TOM1: variants seen among roughly 807,000 people sequenced by gnomAD.
TOM1 encodes target of Myb protein 1.
In TOM1, 38 loss-of-function variants were observed where a neutral mutation model predicts 61.3. That is an observed-to-expected ratio of 0.62 (90% CI 0.48 to 0.81). The LOEUF (loss-of-function observed/expected upper bound fraction) is 0.81, where lower values mean the gene tolerates loss of function less well. TOM1 is among the 40% of genes least tolerant of loss of function. The pLI, the probability that TOM1 is intolerant of heterozygous loss-of-function variation, is 0.00. For missense variants in TOM1, 591 were observed against 659.6 expected, an observed-to-expected ratio of 0.90 and a Z score of 1.14; for synonymous variants, 270 against 268.8, an observed-to-expected ratio of 1.00 and a Z score of -0.04.
intron 12 of TOM1, among the ~76,000 whole-genome samples, chr22:35,343,034 C>A (rs1325124879): frequency 1.6e-4 from 23 of 145,774 alleles, no homozygotes; most frequent in African/African-American, 5.4e-4. Flanking sequence ...CCACACACAC[C>A]TCCACACACC....
intron 2 of TOM1, 92 bp downstream of exon 2, chr22:35,318,053 C>A: frequency 8.6e-7 from 1 of 1,168,036 alleles, no homozygotes; most frequent in Non-Finnish European, 1.3e-6. Context: ...CCTGCCCCAG[C>A]CCCATTGCTG....
intron 11 of TOM1, among the ~76,000 whole-genome samples, chr22:35,336,973 C>T (rs1929401045): frequency 6.7e-6 from 1 of 148,920 alleles, no homozygotes. Context: ...CGGAGTCTCG[C>T]TCTGTCTCTC....
intron 1 of TOM1, among the ~76,000 whole-genome samples, chr22:35,300,264 C>T (rs1016512713): frequency 6.6e-6 from 1 of 152,246 alleles, no homozygotes; most frequent in Non-Finnish European, 1.5e-5. Context: ...TGCTGGGGTC[C>T]CCAATCGAGG....
chr22:35,324,722 G>T (rs1408701722), intron 6 of TOM1, among the ~76,000 whole-genome samples: 3 of 152,032 alleles, frequency 2.0e-5, no homozygotes, highest in African/African-American at 4.8e-5. Context: ...CTAATTTTTT[G>T]TATTTTTAGT....
At chr22:35,343,843 T>A (rs1930250529) in intron 12 of TOM1, among the ~76,000 whole-genome samples, 1 of 131,244 alleles carries the variant, frequency 7.6e-6, no homozygotes. Flanking sequence ...TTCATACACC[T>A]ACATACACAC....
At chr22:35,315,317 TG>T (rs913655624) in intron 1 of TOM1, among the ~76,000 whole-genome samples, 2 of 152,122 alleles carry the variant, frequency 1.3e-5, no homozygotes, top group Admixed American at 1.3e-4. Flanking sequence ...CCTGTGTGAC[TG>T]GGGCTTGCTG....
At chr22:35,310,782 T>C (rs1316867270) in intron 1 of TOM1, among the ~76,000 whole-genome samples, 1 of 152,204 alleles carries the variant, frequency 6.6e-6, no homozygotes, top group Non-Finnish European at 1.5e-5. Context: ...GTTAGTCCAT[T>C]TGTGAGCTAT....
chr22:35,346,132 C>T (rs1930488435), intron 13 of TOM1, among the ~76,000 whole-genome samples: 1 of 152,246 alleles, frequency 6.6e-6, no homozygotes, highest in African/African-American at 2.4e-5. Context: ...ACTCCAGCCA[C>T]TTGCAGAGGG....
At chr22:35,327,475 C>T in intron 7 of TOM1, 88 bp downstream of exon 7, 2 of 915,754 alleles carry the variant, frequency 2.2e-6, no homozygotes, top group African/African-American at 1.6e-5. Context: ...TGACAGTCTT[C>T]ATGGCTTACT....
chr22:35,331,230 G>A, intron 8 of TOM1: 1 of 419,898 alleles, frequency 2.4e-6, no homozygotes, highest in Admixed American at 2.7e-5. Flanking sequence ...CAGGTAGCCG[G>A]GACTACAGGC....
chr22:35,339,852 C>T (rs1453219241), intron 12 of TOM1, among the ~76,000 whole-genome samples: 3 of 149,956 alleles, frequency 2.0e-5, no homozygotes, highest in Admixed American at 6.6e-5. Flanking sequence ...TGCAGTGAGC[C>T]GAGATCCCGC....
chr22:35,342,781 CCA>C (rs540947201), intron 12 of TOM1, among the ~76,000 whole-genome samples: 282 of 150,296 alleles, frequency 1.9e-3, no homozygotes, highest in African/African-American at 6.5e-3. Flanking sequence ...TCTACACCCA[CCA>C]CACACACCTC....
intron 1 of TOM1, among the ~76,000 whole-genome samples, chr22:35,311,723 C>G (rs1295156995): frequency 6.6e-6 from 1 of 152,230 alleles, no homozygotes; most frequent in African/African-American, 2.4e-5. Flanking sequence ...CCTGGCTTTG[C>G]ATCTAGCAAG....
At chr22:35,301,602 C>T (rs1285298664) in intron 1 of TOM1, among the ~76,000 whole-genome samples, 1 of 152,184 alleles carries the variant, frequency 6.6e-6, no homozygotes, top group Non-Finnish European at 1.5e-5. Context: ...TAAGATGAGA[C>T]ATATTTTCCA....
rs1269419718 is a variant in TOM1 at position 35,347,783 on chromosome 22, A to T, written c.*574A>T. Reference sequence around the variant, plus strand: ...TGCAACTCTGCGCGCAGTGGGCGAGATCTCATCAGCCCCAGGCTGCAGGTG... The same window carrying T: ...TGCAACTCTGCGCGCAGTGGGCGAGTTCTCATCAGCCCCAGGCTGCAGGTG... On this transcript the variant is annotated 3_prime_UTR_variant, in exon 15 of 15. Transcript: ENST00000449058. The T allele has an allele frequency of 2.0e-5, 3 of 153,228 alleles. No homozygotes were observed. The highest frequency in any genetic ancestry group is 3.9e-4 in the East Asian group (2 of 5,184). 9.5% of individuals were successfully genotyped at this position (153,228 alleles called of 1,614,324 possible). A position where few individuals can be genotyped will look rare whatever the true frequency, so the allele number is the denominator to read the frequency against.
Position 35,317,839 on chromosome 22 carries a change from A to G in TOM1, c.53-38A>G, listed in dbSNP as rs543074106. 9.4e-4 allele frequency: 1,456 copies of G among 1,544,558 alleles called. 21 individuals are homozygous for G. In the South Asian group the frequency reaches 0.015, roughly 16 times the overall value. On this transcript the variant is annotated intron_variant, in intron 1 of 14. Transcript: ENST00000449058. ...CACGGTTTGAGTTTACCCATTCAGGACCCCCTCATGACTTTATGACTCCTG... is the reference window on the plus strand; with the variant it reads ...CACGGTTTGAGTTTACCCATTCAGGGCCCCCTCATGACTTTATGACTCCTG...
chr22:35,338,710 C>T lies in TOM1; in HGVS notation c.1149-3C>T. The T allele has an allele frequency of 6.4e-7, 1 of 1,570,498 alleles. No homozygotes were observed. On this transcript the variant is annotated splice_polypyrimidine_tract_variant and splice_region_variant and intron_variant, in intron 11 of 14. Transcript: ENST00000449058. ...TCCAATGGCTTGGTGGTCTCTCTTT[C>T]AGGGTAAAATACGAAGCCCCCCAAG... is the stretch of plus-strand genomic sequence containing the variant.
chr22:35,346,532 C>G (rs1013277346), intron 13 of TOM1, among the ~76,000 whole-genome samples: 3 of 152,188 alleles, frequency 2.0e-5, no homozygotes, highest in East Asian at 1.9e-4. Flanking sequence ...CCTTTCCCCC[C>G]CAGGGGTGAG....
intron 12 of TOM1, among the ~76,000 whole-genome samples, chr22:35,339,599 G>A (rs980235703): frequency 1.3e-5 from 2 of 152,130 alleles, no homozygotes; most frequent in African/African-American, 4.8e-5. Flanking sequence ...AGTGTGGGCA[G>A]AGAGGAATAA....
Sources: allele counts gnomAD v4.1 joint callset (sites outside exome capture counted in the v4.1 genomes callset), GRCh38; gene constraint gnomAD v4.1.1; transcripts MANE v1.5; gene names NCBI Gene and HGNC (gene_info 2026-07-23, HGNC 2026-07-21).